Variants in VCAN observed in about 807,000 individuals in gnomAD.
The protein encoded by VCAN is versican.
A neutral mutation model predicts 245.5 loss-of-function variants in VCAN; 44 were observed. The observed-to-expected ratio is 0.18, with a 90% CI of 0.14 to 0.23. The LOEUF (loss-of-function observed/expected upper bound fraction) is 0.23, where lower values mean the gene tolerates loss of function less well. VCAN is among the 10% of genes least tolerant of loss of function. The pLI, the probability that VCAN is intolerant of heterozygous loss-of-function variation, is 1.00. For missense variants in VCAN, 3,793 were observed against 4,057.9 expected, an observed-to-expected ratio of 0.93 and a Z score of 1.77; for synonymous variants, 1,413 against 1,437.0, an observed-to-expected ratio of 0.98 and a Z score of 0.38.
At chr5:83,578,871 G>A (rs938228534) in intron 13 of VCAN, among the ~76,000 whole-genome samples, 2 of 152,000 alleles carry the variant, frequency 1.3e-5, no homozygotes, top group Non-Finnish European at 2.9e-5. Flanking sequence ...TTTTTTTAAA[G>A]CATATCATTT....
At chr5:83,494,193 T>C (rs1379776508) in intron 5 of VCAN, among the ~76,000 whole-genome samples, 1 of 152,200 alleles carries the variant, frequency 6.6e-6, no homozygotes, top group Non-Finnish European at 1.5e-5. Flanking sequence ...TTGGACTGTT[T>C]CCAATACACT....
intron 10 of VCAN, among the ~76,000 whole-genome samples, chr5:83,551,837 T>G (rs1747481601): frequency 6.6e-6 from 1 of 152,054 alleles, no homozygotes; most frequent in Non-Finnish European, 1.5e-5. Context: ...TTCTTACAAA[T>G]GAACTTCCCC....
chr5:83,565,354 C>G (rs994451981), intron 12 of VCAN, among the ~76,000 whole-genome samples: 1 of 151,680 alleles, frequency 6.6e-6, no homozygotes, highest in Admixed American at 6.6e-5. Flanking sequence ...AGGTCTTAGG[C>G]ACTTCTTTAA....
In VCAN at chr5:83,483,717, C is replaced by T. The variant is rs973666198; in HGVS notation, c.70+129C>T. 3 of 868,904 alleles carry T rather than the reference C, an allele frequency of 3.5e-6. No homozygotes were observed. In the African/African-American group the frequency reaches 5.0e-5, roughly 15 times the overall value. The allele number at this position is 868,904 out of a possible 1,614,324, so 53.8% of individuals were successfully genotyped here. On this transcript the variant is annotated intron_variant, in intron 2 of 14. Coordinates refer to ENST00000265077, the MANE Select transcript of VCAN (RefSeq NM_004385.5). ...AAATCTATTAAGTGCTGAAAACTAT[C>T]AGTTAAAATATTATTGGACCAAAAA...
intron 3 of VCAN, among the ~76,000 whole-genome samples, chr5:83,492,099 G>A (rs942749074): frequency 6.6e-6 from 1 of 151,930 alleles, no homozygotes; most frequent in Non-Finnish European, 1.5e-5. Context: ...AGTTGTCATT[G>A]CATCTACTTA....
intron 5 of VCAN, among the ~76,000 whole-genome samples, chr5:83,498,750 T>C (rs1258333241): frequency 6.6e-6 from 1 of 152,224 alleles, no homozygotes; most frequent in Non-Finnish European, 1.5e-5. Flanking sequence ...AGTTTGTGAA[T>C]CACTTTTGAG....
intron 1 of VCAN, among the ~76,000 whole-genome samples, chr5:83,477,128 C>G (rs1263037498): frequency 6.6e-6 from 1 of 152,020 alleles, no homozygotes; most frequent in African/African-American, 2.4e-5. Context: ...GTGTCATAAT[C>G]TATTAAATGA....
At chr5:83,526,625 A>G (rs1222653194) in intron 7 of VCAN, among the ~76,000 whole-genome samples, 3 of 152,232 alleles carry the variant, frequency 2.0e-5, no homozygotes, top group Non-Finnish European at 4.4e-5. Context: ...AAGTTCTTAA[A>G]AGTAAAAATG....
Position 83,520,199 on chromosome 5 carries a change from A to G in VCAN, c.1893A>G (p.Ile631Met). 2 of 1,614,072 alleles carry G rather than the reference A, an allele frequency of 1.2e-6. No homozygotes were observed. The highest frequency in any genetic ancestry group is 1.7e-6 in the Non-Finnish European group (2 of 1,179,974). ...AAGAGAGACAAACTAGTGGTAGGAT[A>G]ACGGAAGAGTTTCTTGGCAAATATC... Reference protein sequence around the residue: ...DWEERQTSGRITEEFLGKYLS... With the variant: ...DWEERQTSGRMTEEFLGKYLS... The change falls in exon 7 of 15, where the codon ATA (isoleucine) becomes ATG (methionine). Residue 631 changes from isoleucine (I) to methionine (M), a missense_variant. Physicochemically the swap from Ile to Met is conservative, Grantham distance 10. Transcript: ENST00000265077.
Position 83,580,451 on chromosome 5 carries a change from C to T in VCAN, c.*17C>T, listed in dbSNP as rs756243684. 6.2e-7 allele frequency: 1 copy of T among 1,613,344 alleles called. No homozygotes were observed. The highest frequency in any genetic ancestry group is 1.1e-5 in the South Asian group (1 of 91,004). ...AGGCGCTGATCCCTAAAATGGCGAA[C>T]ATGTGTTTTCATCATTTCAGCCAAA... On this transcript the variant is annotated 3_prime_UTR_variant, in exon 15 of 15. Coordinates refer to ENST00000265077, the MANE Select transcript of VCAN (RefSeq NM_004385.5).
At position 83,521,978 on chromosome 5, in the gene VCAN, G is replaced by A. The variant is rs754534156; in HGVS notation, c.3672G>A (p.Lys1224=). ...VDRLHTTSAF[K]PSSAITKKPP... Reference sequence around the variant, plus strand: ...GACTTCACACAACTTCAGCATTCAAGCCATCTTCCGCGATCACTAAGAAAC... The same window carrying A: ...GACTTCACACAACTTCAGCATTCAAACCATCTTCCGCGATCACTAAGAAAC... Residue 1224 remains lysine (K), a synonymous_variant, in exon 7 of 15, where the codon AAG becomes AAA. Coordinates refer to ENST00000265077, the MANE Select transcript of VCAN (RefSeq NM_004385.5). The A allele has an allele frequency of 1.2e-6, 2 of 1,614,158 alleles. No individual in the cohort carries two copies. Among genetic ancestry groups the A allele is most frequent in the South Asian group, 2.2e-5 (2 of 91,082 alleles).
At chr5:83,546,784 C>T (rs553899901) in intron 9 of VCAN, among the ~76,000 whole-genome samples, 1 of 152,170 alleles carries the variant, frequency 6.6e-6, no homozygotes, top group African/African-American at 2.4e-5. Context: ...TATATAATAT[C>T]ATGTTTACTA....
chr5:83,520,405 C>G lies in VCAN; in HGVS notation c.2099C>G (p.Thr700Arg). 1.2e-6 allele frequency: 2 copies of G among 1,613,350 alleles called. No homozygotes were observed. Among genetic ancestry groups the G allele is most frequent in the Non-Finnish European group, 8.5e-7 (1 of 1,179,854 alleles). The change falls in exon 7 of 15, where the codon ACA becomes AGA. Residue 700 changes from threonine to arginine, a missense_variant. Physicochemically the swap from Thr to Arg is moderately conservative, Grantham distance 71 (BLOSUM62 -1). Around this residue, in one of 5 missense-constraint regions of VCAN, gnomAD observed 3,182 missense variants for 3,250.3 expected, o/e 0.98. Coordinates refer to ENST00000265077, the MANE Select transcript of VCAN (RefSeq NM_004385.5). ...LIPEMRTDTY[T>R]DEIQEEITKS... ...CCAGAGATGAGAACAGATACTTATACAGATGAAATACAAGAAGAGATCACT... is the reference window on the plus strand; with the variant it reads ...CCAGAGATGAGAACAGATACTTATAGAGATGAAATACAAGAAGAGATCACT...
chr5:83,521,330 T>A lies in VCAN; in HGVS notation c.3024T>A (p.Asp1008Glu). ...GEPSQDILVI[D>E]QTRLEATISP... ...CCTCTCAAGACATACTTGTCATTGA[T>A]CAGACTCGCCTTGAAGCGACTATTT... is the stretch of plus-strand genomic sequence containing the variant. The change falls in exon 7 of 15, where the codon GAT becomes GAA. Residue 1008 changes from aspartate (D) to glutamate (E), a missense_variant. By Grantham distance (45) the Asp-to-Glu change is conservative. Transcript: ENST00000265077. The A allele has an allele frequency of 6.2e-7, 1 of 1,614,072 alleles. No individual in the cohort carries two copies. The highest frequency in any genetic ancestry group is 8.5e-7 in the Non-Finnish European group (1 of 1,179,976).
At chr5:83,477,461 T>C (rs994255354) in intron 1 of VCAN, among the ~76,000 whole-genome samples, 3 of 152,084 alleles carry the variant, frequency 2.0e-5, no homozygotes, top group African/African-American at 7.2e-5. Context: ...TAAGAATCAG[T>C]CTCTACCTGA....
chr5:83,483,275 G>A (rs1484151635), intron 1 of VCAN, among the ~76,000 whole-genome samples: 1 of 152,190 alleles, frequency 6.6e-6, no homozygotes, highest in Non-Finnish European at 1.5e-5. Flanking sequence ...ATTCTGGAAT[G>A]ATTTTGGTAA....
At position 83,580,477 on chromosome 5, in the gene VCAN, G is replaced by C; in HGVS notation, c.*43G>C. 4 of 1,611,738 alleles carry C rather than the reference G, an allele frequency of 2.5e-6. No homozygotes were observed. Among genetic ancestry groups the C allele is most frequent in the Non-Finnish European group, 3.4e-6 (4 of 1,178,878 alleles). ...ATGTGTTTTCATCATTTCAGCCAAA[G>C]TCCTAACTTCCTGTGCCTTTCCTAT... is the stretch of plus-strand genomic sequence containing the variant. On this transcript the variant is annotated 3_prime_UTR_variant, in exon 15 of 15. Coordinates refer to ENST00000265077, the MANE Select transcript of VCAN (RefSeq NM_004385.5).
rs555389211 is a variant in VCAN, at chr5:83,537,364, T to C, written c.4361T>C (p.Phe1454Ser). The C allele has an allele frequency of 9.9e-5, 159 of 1,613,994 alleles. 1 individual carries two copies. The South Asian group carries it at 1.6e-3, about 16-fold the overall frequency. The change falls in exon 8 of 15, where the codon TTT becomes TCT. Residue 1454 changes from phenylalanine (F) to serine (S), a missense_variant. By Grantham distance (155) the Phe-to-Ser change is radical (BLOSUM62 -2). This residue lies in a region of VCAN where 3,182 missense variants were observed against 3,250.3 expected (regional missense o/e 0.98). Coordinates refer to ENST00000265077, the MANE Select transcript of VCAN (RefSeq NM_004385.5). ...AGCTCTGAAAGTGATACTCATCCATTTGTAATAGCCAAAACGGAATTGTCT... is the reference window on the plus strand; with the variant it reads ...AGCTCTGAAAGTGATACTCATCCATCTGTAATAGCCAAAACGGAATTGTCT... ...SDSSESDTHPFVIAKTELSTA... is the reference protein window; with the variant it reads ...SDSSESDTHPSVIAKTELSTA...
At chr5:83,530,056 G>C (rs1746459887) in intron 7 of VCAN, among the ~76,000 whole-genome samples, 1 of 152,122 alleles carries the variant, frequency 6.6e-6, no homozygotes, top group South Asian at 2.1e-4. Context: ...GACATAGGTT[G>C]TGTTTTTTTG....
Sources: allele counts gnomAD v4.1 joint callset (sites outside exome capture counted in the v4.1 genomes callset), GRCh38; gene constraint gnomAD v4.1.1; regional missense constraint gnomAD v4.1.1; transcripts MANE v1.5; gene names NCBI Gene and HGNC (gene_info 2026-07-23, HGNC 2026-07-21).